Variants in PATL1 observed in about 807,000 individuals in gnomAD.
The protein encoded by PATL1 is protein PAT1 homolog 1.
PATL1 carries 32 observed loss-of-function variants against 100.6 expected under a neutral mutation model. The ratio of observed to expected loss-of-function variants is 0.32; its 90% CI spans 0.24 to 0.43. PATL1 has a LOEUF of 0.43. PATL1 is among the 20% of genes least tolerant of loss of function. PATL1 has a pLI of 1.00. For synonymous variants in PATL1, 332 were observed against 330.0 expected (o/e 1.01, Z -0.07); for missense variants, 747 against 949.9 (o/e 0.79, Z 2.81).
intron 4 of PATL1, among the ~76,000 whole-genome samples, chr11:59,658,174 A>AGAAAG (rs1861565459): frequency 6.6e-6 from 1 of 150,500 alleles, no homozygotes; most frequent in African/African-American, 2.5e-5. Flanking sequence ...AAAAAAAAAA[A>AGAAAG]AAAGAAAGAA....
chr11:59,659,328 A>G lies in PATL1; in HGVS notation c.269T>C (p.Leu90Pro). 1 of 1,551,360 alleles carries G rather than the reference A, an allele frequency of 6.4e-7. No homozygotes were observed. The highest frequency in any genetic ancestry group is 8.7e-7 in the Non-Finnish European group (1 of 1,146,806). Residue 90 changes from leucine to proline, a missense_variant, in exon 3 of 19, where the codon CTC becomes CCC. Coordinates refer to ENST00000300146, the MANE Select transcript of PATL1 (RefSeq NM_152716.3). ...GDHEENLAER[L>P]SKMVIENELE... Reference sequence around the variant, plus strand: ...TTCATTTTCAATCACCATCTTACTGAGCCTTTCTGCCAGATTCTCCTCATG... The same window carrying G: ...TTCATTTTCAATCACCATCTTACTGGGCCTTTCTGCCAGATTCTCCTCATG...
chr11:59,663,559 T>C (rs1396217291), intron 2 of PATL1, among the ~76,000 whole-genome samples: 1 of 152,188 alleles, frequency 6.6e-6, no homozygotes, highest in Non-Finnish European at 1.5e-5. Context: ...AGTACCTATC[T>C]CACAAGGCTG....
chr11:59,653,964 G>T lies in PATL1; in HGVS notation c.1121+19C>A, dbSNP rs984355209. On this transcript the variant is annotated intron_variant, in intron 9 of 18. Coordinates refer to ENST00000300146, the MANE Select transcript of PATL1 (RefSeq NM_152716.3). The stretch of plus-strand genomic sequence containing the variant: ...AAAGCTGAATTAAGAAGCCATAAAG[G>T]AATCGGATGAGTACTTACCTTCTAT... 1.3e-6 allele frequency: 2 copies of T among 1,583,430 alleles called. No homozygotes were observed. The highest frequency in any genetic ancestry group is 1.1e-5 in the South Asian group (1 of 90,310).
At chr11:59,668,847 GA>G in intron 1 of PATL1, 33 bp downstream of exon 1, 2 of 1,247,308 alleles carry the variant, frequency 1.6e-6, no homozygotes, top group South Asian at 1.4e-5. Flanking sequence ...GCGCGGGAGG[GA>G]GGGAGGGGTC....
intron 2 of PATL1, among the ~76,000 whole-genome samples, chr11:59,665,172 A>T (rs1055490621): frequency 1.3e-5 from 2 of 152,192 alleles, no homozygotes; most frequent in Non-Finnish European, 2.9e-5. Flanking sequence ...ATGACTGACA[A>T]TATTAAAACA....
Position 59,659,255 on chromosome 11 carries a change from T to C in PATL1, c.342A>G (p.Leu114=). The change falls in exon 3 of 19, where the codon TTA becomes TTG. Residue 114 remains leucine, a synonymous_variant. Transcript: ENST00000300146. ...CAAATCACAGTAACTTACTTACTTG[T>C]AAAACTGGCCTGGTCTGCACTGCCC... The part of the protein sequence containing the change: ...IMRAVQTRPV[L]QPQPGSLNSS... The C allele has an allele frequency of 6.4e-7, 1 of 1,551,360 alleles. No homozygotes were observed. Among genetic ancestry groups the C allele is most frequent in the East Asian group, 2.4e-5 (1 of 40,916 alleles).
chr11:59,664,050 T>C lies in PATL1; in HGVS notation c.127+2803A>G, dbSNP rs544423704. On this transcript the variant is annotated intron_variant, in intron 2 of 18. Coordinates refer to ENST00000300146, the MANE Select transcript of PATL1 (RefSeq NM_152716.3). Reference sequence around the variant, plus strand: ...ACTCTCAAGGGAAAGGGCTCACCTTTGGAAATCTTTTCTCTATATTATTAT... The same window carrying C: ...ACTCTCAAGGGAAAGGGCTCACCTTCGGAAATCTTTTCTCTATATTATTAT... Among the ~76,000 whole-genome samples, 4 of 152,342 alleles carry C rather than the reference T, an allele frequency of 2.6e-5. No homozygotes were observed. In the South Asian group the frequency reaches 8.3e-4, roughly 32 times the overall value.
intron 15 of PATL1, among the ~76,000 whole-genome samples, chr11:59,644,097 T>C (rs1861327296): frequency 6.6e-6 from 1 of 152,186 alleles, no homozygotes; most frequent in African/African-American, 2.4e-5. Context: ...TTAAAAAAGC[T>C]TTTATTATGG....
intron 9 of PATL1, among the ~76,000 whole-genome samples, chr11:59,653,546 T>C (rs1450468172): frequency 1.3e-5 from 2 of 152,172 alleles, no homozygotes; most frequent in African/African-American, 4.8e-5. Flanking sequence ...AAAAATGTAT[T>C]TGGTTGAATT....
At chr11:59,651,477 A>G in intron 12 of PATL1, 67 bp downstream of exon 12, 1 of 1,271,480 alleles carries the variant, frequency 7.9e-7, no homozygotes, top group Non-Finnish European at 1.1e-6. Context: ...ATCTCATTCC[A>G]TGGTGACCCC....
At chr11:59,645,070 CAT>C (rs1250374940) in intron 15 of PATL1, among the ~76,000 whole-genome samples, 1 of 142,634 alleles carries the variant, frequency 7.0e-6, no homozygotes, top group African/African-American at 2.6e-5. Context: ...GGATACAGCA[CAT>C]GTTTCAGAGA....
chr11:59,645,641 G>C (rs570830846), intron 15 of PATL1, among the ~76,000 whole-genome samples: 2 of 151,952 alleles, frequency 1.3e-5, no homozygotes, highest in East Asian at 3.9e-4. Context: ...TGATGGCCTA[G>C]TAGTCTCCAA....
chr11:59,658,843 T>C (rs1414412969), intron 4 of PATL1, 23 bp downstream of exon 4: 1 of 1,527,072 alleles, frequency 6.5e-7, no homozygotes, highest in Non-Finnish European at 8.8e-7. Flanking sequence ...ATAAATTTTA[T>C]GTAAAGAGAA....
intron 16 of PATL1, 129 bp from the exon 17 acceptor site, chr11:59,639,512 G>A: frequency 3.0e-6 from 2 of 668,218 alleles, no homozygotes; most frequent in Admixed American, 2.8e-5. Flanking sequence ...GTGCTTTTCT[G>A]TAAAACCAGG....
chr11:59,641,063 T>C (rs1283642889), intron 16 of PATL1, among the ~76,000 whole-genome samples: 2 of 151,896 alleles, frequency 1.3e-5, no homozygotes, highest in Admixed American at 6.6e-5. Context: ...TCCCAGCTAC[T>C]TGGGGGCTGA....
chr11:59,656,151 C>G, intron 6 of PATL1, 106 bp from the exon 7 acceptor site: 1 of 654,966 alleles, frequency 1.5e-6, no homozygotes, highest in Non-Finnish European at 2.4e-6. Context: ...TATAAAAACT[C>G]TCAAATTACA....
intron 16 of PATL1, among the ~76,000 whole-genome samples, chr11:59,640,441 C>G (rs972402635): frequency 4.0e-5 from 6 of 151,606 alleles, no homozygotes; most frequent in Admixed American, 3.9e-4. Context: ...AAATATGGGA[C>G]GGGCGTGGTG....
chr11:59,666,046 G>A (rs1333078351), intron 2 of PATL1, among the ~76,000 whole-genome samples: 1 of 152,100 alleles, frequency 6.6e-6, no homozygotes, highest in Non-Finnish European at 1.5e-5. Context: ...CCAGCACTTT[G>A]GGAGGCCGAG....
chr11:59,652,384 A>G, intron 11 of PATL1, 80 bp downstream of exon 11: 2 of 1,511,144 alleles, frequency 1.3e-6, no homozygotes, highest in Non-Finnish European at 1.8e-6. Context: ...CCTTCCACAT[A>G]TACACTTGTC....
Sources: allele counts gnomAD v4.1 joint callset (sites outside exome capture counted in the v4.1 genomes callset), GRCh38; gene constraint gnomAD v4.1.1; transcripts MANE v1.5; gene names NCBI Gene and HGNC (gene_info 2026-07-23, HGNC 2026-07-21).